SLC35F1: variants seen among roughly 807,000 people sequenced by gnomAD.
The protein encoded by SLC35F1 is solute carrier family 35 member F1, also known as chromosome 6 open reading frame 169.
In SLC35F1, 14 loss-of-function variants were observed where a neutral mutation model predicts 48.7. The ratio of observed to expected loss-of-function variants is 0.29; its 90% CI spans 0.19 to 0.45. SLC35F1 has a LOEUF of 0.45. Ranked by LOEUF, SLC35F1 falls within the 20% of genes least tolerant of loss-of-function variation. SLC35F1 has a pLI of 1.00. For synonymous variants in SLC35F1, 190 were observed against 202.2 expected, an observed-to-expected ratio of 0.94 and a Z score of 0.51; for missense variants, 404 against 500.0, an observed-to-expected ratio of 0.81 and a Z score of 1.83.
chr6:117,923,902 A>G (rs891397859), intron 1 of SLC35F1, among the ~76,000 whole-genome samples: 9 of 149,842 alleles, frequency 6.0e-5, no homozygotes, highest in African/African-American at 2.2e-4. Context: ...ATACACATAT[A>G]TGTGTGTGTA....
rs1775969946 is a variant in SLC35F1 at position 117,923,763 on chromosome 6, G to GTATATATGTACATATATA, written c.173+15864_173+15865insTATATATGTACATATATA. The stretch of plus-strand genomic sequence containing the variant: ...TACATATATGTACATATATACATAT[G>GTATATATGTACATATATA]CACATACATATGTATATATACATAT... On this transcript the variant is annotated intron_variant, in intron 1 of 7. Coordinates refer to ENST00000360388, the MANE Select transcript of SLC35F1 (RefSeq NM_001029858.4). 3.3e-4 allele frequency among the ~76,000 whole-genome samples: 6 copies of GTATATATGTACATATATA among 18,078 alleles called. 1 individual carries two copies. The highest frequency in any genetic ancestry group is 1.8e-3 in the Admixed American group (3 of 1,682). The allele number at this position is 18,078 out of a possible 152,430, so 11.9% of individuals were successfully genotyped here.
At chr6:118,056,482 G>A (rs1772465158) in intron 1 of SLC35F1, among the ~76,000 whole-genome samples, 1 of 152,152 alleles carries the variant, frequency 6.6e-6, no homozygotes, top group Non-Finnish European at 1.5e-5. Flanking sequence ...CAAATTGCCA[G>A]AAGAAGTAAG....
At chr6:118,123,862 A>G (rs778769406) in intron 1 of SLC35F1, among the ~76,000 whole-genome samples, 3 of 152,066 alleles carry the variant, frequency 2.0e-5, no homozygotes, top group African/African-American at 4.8e-5. Context: ...TTGTAGGAGG[A>G]CCTTTAGGAA....
At chr6:118,081,384 A>T (rs1772905841) in intron 1 of SLC35F1, among the ~76,000 whole-genome samples, 1 of 151,918 alleles carries the variant, frequency 6.6e-6, no homozygotes, top group Non-Finnish European at 1.5e-5. Flanking sequence ...TAATCCTAAC[A>T]CTGTGGGAGG....
At chr6:118,098,796 AATAAG>A (rs1773214455) in intron 1 of SLC35F1, among the ~76,000 whole-genome samples, 1 of 152,200 alleles carries the variant, frequency 6.6e-6, no homozygotes, top group Non-Finnish European at 1.5e-5. Flanking sequence ...ATGTGAAAGA[AATAAG>A]ATAAGACTTT....
intron 5 of SLC35F1, among the ~76,000 whole-genome samples, chr6:118,277,223 G>A (rs1396959747): frequency 1.3e-5 from 2 of 152,176 alleles, no homozygotes; most frequent in African/African-American, 4.8e-5. Flanking sequence ...AGAAACAAAG[G>A]CTGTAGGCAG....
intron 1 of SLC35F1, among the ~76,000 whole-genome samples, chr6:118,129,238 A>C (rs1261145768): frequency 6.6e-6 from 1 of 152,190 alleles, no homozygotes; most frequent in African/African-American, 2.4e-5. Context: ...AGTAGAGAAT[A>C]ATGATAATAG....
At chr6:118,303,086 G>T (rs1164699445) in intron 7 of SLC35F1, among the ~76,000 whole-genome samples, 7 of 149,420 alleles carry the variant, frequency 4.7e-5, no homozygotes, top group African/African-American at 1.7e-4. Context: ...TCATTTTTTT[G>T]TCTTTCTTGC....
chr6:118,306,532 G>T (rs1414268639), intron 7 of SLC35F1, among the ~76,000 whole-genome samples: 4 of 152,206 alleles, frequency 2.6e-5, no homozygotes, highest in Admixed American at 2.6e-4. Flanking sequence ...TGATGCAAAA[G>T]TCCAAACGGA....
Position 118,190,859 on chromosome 6 carries a change from C to T in SLC35F1, c.349+36239C>T, listed in dbSNP as rs140485909. 5.1e-3 allele frequency among the ~76,000 whole-genome samples: 781 copies of T among 152,232 alleles called. 11 individuals carry two copies. The highest frequency in any genetic ancestry group is 0.018 in the African/African-American group (749 of 41,528). ...TTTTGTTAATCCCCTACAACTGAAT[C>T]TCTAAAATATCCAATGTTTTCTCCA... On this transcript the variant is annotated intron_variant, in intron 2 of 7. Coordinates refer to ENST00000360388, the MANE Select transcript of SLC35F1 (RefSeq NM_001029858.4).
intron 1 of SLC35F1, among the ~76,000 whole-genome samples, chr6:117,945,282 G>T (rs567875585): frequency 2.0e-5 from 3 of 152,170 alleles, no homozygotes; most frequent in African/African-American, 7.2e-5. Context: ...TAGAGATGAA[G>T]TTGGCACTAT....
chr6:117,964,189 G>A (rs1209341726), intron 1 of SLC35F1, among the ~76,000 whole-genome samples: 1 of 152,180 alleles, frequency 6.6e-6, no homozygotes, highest in African/African-American at 2.4e-5. Flanking sequence ...ATTCCATAGT[G>A]TATATGTACC....
At chr6:117,926,913 C>T (rs1231195968) in intron 1 of SLC35F1, among the ~76,000 whole-genome samples, 2 of 152,080 alleles carry the variant, frequency 1.3e-5, no homozygotes, top group African/African-American at 4.8e-5. Context: ...TTATGATGTA[C>T]TCTAAAGTTA....
rs1776409463 is a variant in SLC35F1 at position 118,314,535 on chromosome 6, T to G, written c.*283T>G. On this transcript the variant is annotated 3_prime_UTR_variant, in exon 8 of 8. Coordinates refer to ENST00000360388, the MANE Select transcript of SLC35F1 (RefSeq NM_001029858.4). ...TTTTTGAATCAAAAGCAAGTATTAT[T>G]GTTATTATGATTTGTATTATTATTA... is the stretch of plus-strand genomic sequence containing the variant. 2.6e-5 allele frequency: 11 copies of G among 424,032 alleles called. No homozygotes were observed. Among genetic ancestry groups the G allele is most frequent in the Non-Finnish European group, 4.7e-5 (11 of 232,448 alleles). The allele number at this position is 424,032 out of a possible 1,614,324, so 26.3% of individuals were successfully genotyped here.
intron 1 of SLC35F1, among the ~76,000 whole-genome samples, chr6:118,115,720 TATGAAACTTGAAC>T (rs1270586728): frequency 5.3e-5 from 8 of 152,180 alleles, no homozygotes; most frequent in African/African-American, 1.9e-4. Context: ...GGTAGCTTAA[TATGAAACTTGAAC>T]AAGTGACCCT....
intron 1 of SLC35F1, among the ~76,000 whole-genome samples, chr6:118,033,617 T>G: frequency 6.6e-6 from 1 of 152,070 alleles, no homozygotes; most frequent in Non-Finnish European, 1.5e-5. Context: ...ACACTAGTTT[T>G]TTTTTTTTTT....
chr6:117,970,102 T>C (rs1330519421), intron 1 of SLC35F1, among the ~76,000 whole-genome samples: 1 of 152,250 alleles, frequency 6.6e-6, no homozygotes, highest in African/African-American at 2.4e-5. Flanking sequence ...ACTTTACTTT[T>C]TGATGCTGAG....
At chr6:118,109,320 TG>T (rs1428191853) in intron 1 of SLC35F1, among the ~76,000 whole-genome samples, 1 of 152,178 alleles carries the variant, frequency 6.6e-6, no homozygotes, top group Non-Finnish European at 1.5e-5. Flanking sequence ...TGGCCAAGAA[TG>T]GGAGTGACTT....
intron 1 of SLC35F1, among the ~76,000 whole-genome samples, chr6:117,969,036 G>A (rs926271271): frequency 2.6e-5 from 4 of 152,162 alleles, no homozygotes; most frequent in Non-Finnish European, 1.5e-5. Flanking sequence ...TTTTCTTGTA[G>A]GTTGAAAGTT....
Sources: gnomAD v4.1 joint callset for allele counts (sites outside exome capture counted in the v4.1 genomes callset) on GRCh38, gnomAD v4.1.1 for gene constraint, MANE v1.5 for transcripts, NCBI Gene and HGNC (gene_info 2026-07-23, HGNC 2026-07-21) for gene names.